Variants in GPC6 observed in about 807,000 individuals in gnomAD.
GPC6 encodes glypican-6.
In GPC6, 14 loss-of-function variants were observed where a neutral mutation model predicts 55.2. The observed-to-expected ratio is 0.25, with a 90% CI of 0.17 to 0.40. The LOEUF (loss-of-function observed/expected upper bound fraction) is 0.40, where lower values mean the gene tolerates loss of function less well. GPC6 is among the 10% of genes least tolerant of loss of function. GPC6 has a pLI of 1.00. For missense variants in GPC6, 641 were observed against 708.5 expected (o/e 0.90, Z 1.08); for synonymous variants, 278 against 259.6 (o/e 1.07, Z -0.68).
chr13:94,063,170 G>A (rs1884393301), intron 4 of GPC6, among the ~76,000 whole-genome samples: 1 of 152,182 alleles, frequency 6.6e-6, no homozygotes, highest in African/African-American at 2.4e-5. Flanking sequence ...ACAATTGTGA[G>A]TGAGACATCT....
intron 3 of GPC6, among the ~76,000 whole-genome samples, chr13:93,851,675 A>G (rs540339862): frequency 6.6e-6 from 1 of 151,938 alleles, no homozygotes; most frequent in African/African-American, 2.4e-5. Context: ...ATTTAATTGT[A>G]TAATGATGTT....
chr13:93,749,357 C>T (rs1884502045), intron 2 of GPC6, among the ~76,000 whole-genome samples: 1 of 151,768 alleles, frequency 6.6e-6, no homozygotes, highest in Non-Finnish European at 1.5e-5. Flanking sequence ...TGGTTTTATC[C>T]TAAGAAATTC....
intron 1 of GPC6, among the ~76,000 whole-genome samples, chr13:93,529,497 G>A (rs1052622167): frequency 6.6e-6 from 1 of 150,384 alleles, no homozygotes; most frequent in Admixed American, 6.7e-5. Context: ...CTTCCATAGT[G>A]GACTCTGAGA....
chr13:94,080,031 T>C (rs1345103705), intron 4 of GPC6, among the ~76,000 whole-genome samples: 1 of 152,246 alleles, frequency 6.6e-6, no homozygotes. Flanking sequence ...CCATGTGTTC[T>C]ACACTTTCCC....
intron 4 of GPC6, among the ~76,000 whole-genome samples, chr13:94,241,883 A>T (rs1233871671): frequency 6.6e-6 from 1 of 151,418 alleles, no homozygotes; most frequent in Non-Finnish European, 1.5e-5. Flanking sequence ...TTGCTTCCTG[A>T]ATTTCTTTTT....
intron 4 of GPC6, among the ~76,000 whole-genome samples, chr13:94,088,092 A>G (rs1365822172): frequency 6.6e-6 from 1 of 152,176 alleles, no homozygotes; most frequent in Non-Finnish European, 1.5e-5. Context: ...GTACTAGGAC[A>G]GGATCAATTT....
intron 4 of GPC6, among the ~76,000 whole-genome samples, chr13:94,212,227 A>G (rs1179512855): frequency 6.6e-6 from 1 of 152,182 alleles, no homozygotes; most frequent in East Asian, 1.9e-4. Flanking sequence ...CTTTATTTTG[A>G]ACAAGTCATG....
chr13:93,996,738 G>C (rs1881574100), intron 3 of GPC6, among the ~76,000 whole-genome samples: 1 of 152,100 alleles, frequency 6.6e-6, no homozygotes, highest in African/African-American at 2.4e-5. Context: ...AGCATTCAAA[G>C]ACTATGAGCT....
intron 4 of GPC6, among the ~76,000 whole-genome samples, chr13:94,208,483 C>A (rs1038149305): frequency 8.6e-5 from 13 of 152,010 alleles, no homozygotes; most frequent in African/African-American, 2.4e-4. Flanking sequence ...TGATGTACGT[C>A]TTTAAAAAAA....
intron 3 of GPC6, among the ~76,000 whole-genome samples, chr13:93,881,483 C>T (rs1480731697): frequency 6.6e-6 from 1 of 151,928 alleles, no homozygotes; most frequent in Non-Finnish European, 1.5e-5. Flanking sequence ...CCAATGTAGG[C>T]CTAAAAACGT....
chr13:94,303,981 C>T (rs528171933), intron 5 of GPC6, among the ~76,000 whole-genome samples: 13 of 152,274 alleles, frequency 8.5e-5, no homozygotes, highest in Admixed American at 5.9e-4. Flanking sequence ...AGTATTGTTT[C>T]GCCTTAGGCT....
At chr13:93,444,097 TATTG>T (rs1405649725) in intron 1 of GPC6, among the ~76,000 whole-genome samples, 2 of 152,152 alleles carry the variant, frequency 1.3e-5, no homozygotes, top group Non-Finnish European at 2.9e-5. Context: ...TGAATCTGTT[TATTG>T]ATTATGTTCA....
At chr13:93,280,946 T>C (rs1877929755) in intron 1 of GPC6, among the ~76,000 whole-genome samples, 1 of 152,170 alleles carries the variant, frequency 6.6e-6, no homozygotes, top group Non-Finnish European at 1.5e-5. Context: ...GTAATGCTCG[T>C]CCCTTGCTCA....
chr13:93,951,991 A>C (rs938249687), intron 3 of GPC6, among the ~76,000 whole-genome samples: 1 of 152,168 alleles, frequency 6.6e-6, no homozygotes, highest in Admixed American at 6.5e-5. Flanking sequence ...ACAACATGCT[A>C]GTTGATGGCT....
intron 2 of GPC6, among the ~76,000 whole-genome samples, chr13:93,554,576 G>C (rs1042541108): frequency 2.6e-5 from 4 of 152,204 alleles, no homozygotes; most frequent in Non-Finnish European, 5.9e-5. Flanking sequence ...ACAGTGTAAA[G>C]TGTTTATTAT....
intron 3 of GPC6, among the ~76,000 whole-genome samples, chr13:93,879,407 C>T (rs952083011): frequency 2.0e-5 from 3 of 152,044 alleles, no homozygotes; most frequent in African/African-American, 7.2e-5. Flanking sequence ...AGAAATAATG[C>T]CCCATATCTA....
chr13:94,022,514 C>A (rs1463828296), intron 3 of GPC6, among the ~76,000 whole-genome samples: 1 of 152,002 alleles, frequency 6.6e-6, no homozygotes. Context: ...ATTTTCATAT[C>A]TTGGCTATTG....
chr13:93,643,116 T>A (rs951020348), intron 2 of GPC6, among the ~76,000 whole-genome samples: 4 of 152,144 alleles, frequency 2.6e-5, no homozygotes, highest in African/African-American at 9.7e-5. Context: ...ATTATTTTAC[T>A]TTTGGCTTGT....
intron 2 of GPC6, among the ~76,000 whole-genome samples, chr13:93,764,257 A>G (rs957501572): frequency 7.2e-5 from 11 of 152,070 alleles, no homozygotes; most frequent in African/African-American, 1.7e-4. Context: ...GACTCCTCCA[A>G]TCCTACAAAA....
Sources: gnomAD v4.1 joint callset for allele counts (sites outside exome capture counted in the v4.1 genomes callset) on GRCh38, gnomAD v4.1.1 for gene constraint, MANE v1.5 for transcripts, NCBI Gene and HGNC (gene_info 2026-07-23, HGNC 2026-07-21) for gene names.